Variants in DIP2C observed in about 807,000 individuals in gnomAD.
The protein encoded by DIP2C is disco-interacting protein 2 homolog C.
In DIP2C, 33 loss-of-function variants were observed where a neutral mutation model predicts 192.4. The ratio of observed to expected loss-of-function variants is 0.17; its 90% confidence interval spans 0.13 to 0.23. The LOEUF (loss-of-function observed/expected upper bound fraction) is 0.23. Ranked by LOEUF, DIP2C falls within the 10% of genes least tolerant of loss-of-function variation. DIP2C has a pLI of 1.00. For missense variants in DIP2C, 1,537 were observed against 2,110.1 expected, an observed-to-expected ratio of 0.73 and a Z score of 5.32; for synonymous variants, 979 against 864.1, an observed-to-expected ratio of 1.13 and a Z score of -2.33.
intron 29 of DIP2C, 184 bp downstream of exon 29, chr10:341,015 C>G: frequency 1.2e-6 from 1 of 810,828 alleles, no homozygotes; most frequent in South Asian, 1.4e-5. Flanking sequence ...AAAGTCACCC[C>G]AGGTGCTGCT....
Position 434,966 on chromosome 10 carries a change from G to A in DIP2C, c.394+5905C>T, listed in dbSNP as rs140773387. ...AGTATAGTTTATTTTTGTTTTTGTCGTTGTTGTTTTTACATTTATCCTGCT... is the reference window on the plus strand; with the variant it reads ...AGTATAGTTTATTTTTGTTTTTGTCATTGTTGTTTTTACATTTATCCTGCT... On this transcript the variant is annotated intron_variant, in intron 4 of 36. Transcript: ENST00000280886. Among the ~76,000 whole-genome samples, 125 of 151,954 alleles carry A rather than the reference G, an allele frequency of 8.2e-4. 3 individuals are homozygous for A. The East Asian group carries it at 0.021, about 26-fold the overall frequency.
At chr10:551,917 C>A (rs1032046588) in intron 1 of DIP2C, among the ~76,000 whole-genome samples, 10 of 152,208 alleles carry the variant, frequency 6.6e-5, no homozygotes, top group Non-Finnish European at 1.5e-4. Context: ...CGTGGTGTCA[C>A]ACCCAGGACA....
chr10:660,413 GCT>G (rs1856684558), intron 1 of DIP2C, among the ~76,000 whole-genome samples: 1 of 149,834 alleles, frequency 6.7e-6, no homozygotes, highest in African/African-American at 2.5e-5. Context: ...CCTGTTTCAA[GCT>G]CTGTGTATGA....
intron 24 of DIP2C, among the ~76,000 whole-genome samples, chr10:356,010 G>A (rs763982483): frequency 6.6e-6 from 1 of 152,220 alleles, no homozygotes; most frequent in Non-Finnish European, 1.5e-5. Context: ...AACCAGGGAG[G>A]TGGAGGTTGC....
At chr10:362,061 TG>T (rs1436406423) in intron 22 of DIP2C, among the ~76,000 whole-genome samples, 1 of 146,436 alleles carries the variant, frequency 6.8e-6, no homozygotes, top group Non-Finnish European at 1.5e-5. Context: ...AACAATGGTG[TG>T]GGGGAAAAAA....
At chr10:472,066 TTC>T (rs1970673080) in intron 3 of DIP2C, among the ~76,000 whole-genome samples, 1 of 152,182 alleles carries the variant, frequency 6.6e-6, no homozygotes, top group African/African-American at 2.4e-5. Flanking sequence ...TGGTTTTCAT[TTC>T]TGTTTAGAAA....
intron 5 of DIP2C, among the ~76,000 whole-genome samples, chr10:420,375 G>A (rs180821841): frequency 4.6e-5 from 7 of 152,196 alleles, no homozygotes; most frequent in East Asian, 3.9e-4. Context: ...AAGTAGATTC[G>A]GCAATGCCGT....
At chr10:661,436 C>A (rs929460947) in intron 1 of DIP2C, among the ~76,000 whole-genome samples, 1 of 152,188 alleles carries the variant, frequency 6.6e-6, no homozygotes. Context: ...CTGCTCCCTG[C>A]GCTTCTCACC....
chr10:414,077 T>G lies in DIP2C; in HGVS notation c.893A>C (p.Glu298Ala). The stretch of plus-strand genomic sequence containing the variant: ...GCGCATGGCCAGCATCTGGGCCCCC[T>G]CCGGCTTTGGTTGGTTCGGATCCGG... ...QQPDPNQPKPEGAQMLAMRGE... is the reference protein window; with the variant it reads ...QQPDPNQPKPAGAQMLAMRGE... The change falls in exon 8 of 37, where the codon GAG (glutamate) becomes GCG (alanine). Residue 298 changes from glutamate to alanine, a missense_variant. By Grantham distance (107) the Glu-to-Ala change is moderately radical. This residue lies in a region of DIP2C where 473 missense variants were observed against 539.6 expected (regional missense o/e 0.88). Transcript: ENST00000280886. The G allele has an allele frequency of 1.9e-6, 3 of 1,613,908 alleles. No individual in the cohort carries two copies. The highest frequency in any genetic ancestry group is 2.5e-6 in the Non-Finnish European group (3 of 1,179,816).
chr10:611,969 CTTTT>C lies in DIP2C; in HGVS notation c.85+77521_85+77524del, dbSNP rs551062553. Among the ~76,000 whole-genome samples, 28 of 89,514 alleles carry C rather than the reference CTTTT, an allele frequency of 3.1e-4. No individual in the cohort carries two copies. In the Admixed American group the frequency reaches 3.8e-3, roughly 12 times the overall value. 58.7% of individuals were successfully genotyped at this position (89,514 alleles called of 152,430 possible). On this transcript the variant is annotated intron_variant, in intron 1 of 36. Transcript: ENST00000280886. ...CTTTAATTTCAAGATTTTCAGACAGCTTTTTTTTAAGGGATCTATTATAGTTAAA... is the reference window on the plus strand; with the variant it reads ...CTTTAATTTCAAGATTTTCAGACAGCTTTTAAGGGATCTATTATAGTTAAA...
At chr10:517,509 G>A (rs750121625) in intron 1 of DIP2C, among the ~76,000 whole-genome samples, 2 of 152,154 alleles carry the variant, frequency 1.3e-5, no homozygotes, top group African/African-American at 2.4e-5. Context: ...CACCCACAAC[G>A]CCGAAGAGGA....
chr10:548,251 C>G (rs1336478150), intron 1 of DIP2C, among the ~76,000 whole-genome samples: 1 of 123,708 alleles, frequency 8.1e-6, no homozygotes, highest in African/African-American at 3.1e-5. Flanking sequence ...GGGCTCAGGG[C>G]CCCCAGGTGG....
intron 6 of DIP2C, among the ~76,000 whole-genome samples, chr10:416,932 C>T (rs1965679878): frequency 2.0e-5 from 3 of 152,196 alleles, no homozygotes; most frequent in South Asian, 4.1e-4. Flanking sequence ...AAAAAACAGA[C>T]TTCAACATTT....
rs1850190621 is a variant in DIP2C at position 576,806 on chromosome 10, C to T, written c.86-90276G>A. Among the ~76,000 whole-genome samples the T allele has an allele frequency of 2.0e-5, 3 of 152,088 alleles. 1 individual carries two copies. The South Asian group carries it at 6.2e-4, about 32-fold the overall frequency. On this transcript the variant is annotated intron_variant, in intron 1 of 36. Transcript: ENST00000280886. ...CCTGTAACCCCAGCTACTTGGGAAG[C>T]TGAAGCATAAGAATCTCTTGAACCT...
chr10:466,458 C>T (rs1970209192), intron 3 of DIP2C, among the ~76,000 whole-genome samples: 4 of 140,144 alleles, frequency 2.9e-5, no homozygotes, highest in African/African-American at 7.8e-5. Context: ...CTAGGCATTA[C>T]CATTCAGGAC....
intron 17 of DIP2C, among the ~76,000 whole-genome samples, chr10:370,874 G>A (rs1960870963): frequency 6.6e-6 from 1 of 152,128 alleles, no homozygotes. Context: ...TGGAAAAGGA[G>A]ATCTCATTTG....
chr10:365,130 T>G, intron 19 of DIP2C: 1 of 426,512 alleles, frequency 2.3e-6, no homozygotes, highest in Non-Finnish European at 4.8e-6. Context: ...AGTTTTTATT[T>G]AGATTTGTAT....
chr10:353,756 C>A (rs560568961), intron 24 of DIP2C, among the ~76,000 whole-genome samples: 1 of 152,308 alleles, frequency 6.6e-6, no homozygotes, highest in East Asian at 1.9e-4. Flanking sequence ...AACGTGCATC[C>A]TTGATGGAAG....
intron 1 of DIP2C, among the ~76,000 whole-genome samples, chr10:506,140 T>C (rs1475650955): frequency 1.3e-5 from 2 of 152,120 alleles, no homozygotes; most frequent in Non-Finnish European, 2.9e-5. Context: ...CCCATGCTCG[T>C]TACCCTTCGG....
Sources: allele counts gnomAD v4.1 joint callset (sites outside exome capture counted in the v4.1 genomes callset), GRCh38; gene constraint gnomAD v4.1.1; regional missense constraint gnomAD v4.1.1; transcripts MANE v1.5; gene names NCBI Gene and HGNC (gene_info 2026-07-23, HGNC 2026-07-21).